FAM184B: variants seen among roughly 807,000 people sequenced by gnomAD.
The protein encoded by FAM184B is family with sequence similarity 184 member B.
FAM184B carries 111 observed loss-of-function variants against 135.9 expected under a neutral mutation model. The ratio of observed to expected loss-of-function variants is 0.82; its 90% CI spans 0.70 to 0.96. The LOEUF (loss-of-function observed/expected upper bound fraction) is 0.96, where lower values mean the gene tolerates loss of function less well. Among genes scored for constraint, FAM184B ranks in the 40% least tolerant of loss-of-function variants. FAM184B has a pLI of 0.00. For synonymous variants in FAM184B, 552 were observed against 524.8 expected, an observed-to-expected ratio of 1.05 and a Z score of -0.71; for missense variants, 1,375 against 1,323.9, an observed-to-expected ratio of 1.04 and a Z score of -0.60.
In FAM184B at chr4:17,708,904, C is replaced by T; in HGVS notation, c.882G>A (p.Lys294=). 1.3e-6 allele frequency: 2 copies of T among 1,515,714 alleles called. No individual in the cohort carries two copies. The highest frequency in any genetic ancestry group is 1.3e-5 in the South Asian group (1 of 77,310). The allele number at this position is 1,515,714 out of a possible 1,614,324, so 93.9% of individuals were successfully genotyped here. ...SDLKKYAQKL[K]ERIQDLDVQL... is the part of the protein sequence containing the mutation. The stretch of plus-strand genomic sequence containing the variant: ...GATGCTGCTTTACCTGAATCCTCTC[C>T]TTCAGCTTCTGGGCGTACTTCTTCA... The change falls in exon 2 of 18, where the codon AAG becomes AAA. Residue 294 remains lysine, a synonymous_variant. Transcript: ENST00000265018.
At chr4:17,766,883 G>T (rs561718229) in intron 1 of FAM184B, among the ~76,000 whole-genome samples, 26 of 152,202 alleles carry the variant, frequency 1.7e-4, no homozygotes, top group African/African-American at 6.3e-4. Context: ...GGGAGGCTCC[G>T]GCCGCACAGG....
At chr4:17,766,738 T>G (rs1261622542) in intron 1 of FAM184B, among the ~76,000 whole-genome samples, 1 of 152,244 alleles carries the variant, frequency 6.6e-6, no homozygotes, top group Non-Finnish European at 1.5e-5. Context: ...GGAGCCCAGC[T>G]GGTTTCACCT....
In FAM184B at chr4:17,775,750, A is replaced by T. The variant is rs541532135; in HGVS notation, c.141+5409T>A. ...TTAAGTTAAATAACTCAGGAAGAGA[A>T]AGTCAAATATCACATGTTCTCACTT... On this transcript the variant is annotated intron_variant, in intron 1 of 17. Transcript: ENST00000265018. Among the ~76,000 whole-genome samples the T allele has an allele frequency of 2.6e-5, 4 of 152,328 alleles. No individual in the cohort carries two copies. In the South Asian group the frequency reaches 8.3e-4, roughly 32 times the overall value.
chr4:17,775,723 T>C (rs1463195762), intron 1 of FAM184B, among the ~76,000 whole-genome samples: 6 of 152,218 alleles, frequency 3.9e-5, no homozygotes, highest in African/African-American at 9.6e-5. Flanking sequence ...GAGGCTATTA[T>C]CTTAAGTTAA....
intron 1 of FAM184B, among the ~76,000 whole-genome samples, chr4:17,748,157 TG>T (rs1221836235): frequency 6.6e-6 from 1 of 151,326 alleles, no homozygotes; most frequent in African/African-American, 2.4e-5. Context: ...AAATGCCATT[TG>T]TTTTTTTCTT....
intron 1 of FAM184B, among the ~76,000 whole-genome samples, chr4:17,780,258 G>T (rs1217118320): frequency 6.6e-6 from 1 of 152,188 alleles, no homozygotes; most frequent in African/African-American, 2.4e-5. Flanking sequence ...TGTTCCAGAC[G>T]CTACAGGACA....
intron 11 of FAM184B, among the ~76,000 whole-genome samples, chr4:17,651,528 ACT>A (rs1339585246): frequency 2.0e-5 from 2 of 98,440 alleles, no homozygotes; most frequent in Non-Finnish European, 3.6e-5. Context: ...ACAGAGCAAG[ACT>A]CTGTCTCAAA....
At chr4:17,741,566 T>C (rs1006859087) in intron 1 of FAM184B, among the ~76,000 whole-genome samples, 9 of 152,084 alleles carry the variant, frequency 5.9e-5, no homozygotes, top group African/African-American at 1.9e-4. Flanking sequence ...TGGTGGCGCA[T>C]GCCTGTAATC....
intron 1 of FAM184B, among the ~76,000 whole-genome samples, chr4:17,771,567 A>G (rs935602269): frequency 3.3e-5 from 5 of 152,200 alleles, no homozygotes; most frequent in African/African-American, 9.7e-5. Context: ...TCTGTCCCCA[A>G]ACAAGCTCCT....
intron 1 of FAM184B, among the ~76,000 whole-genome samples, chr4:17,779,822 A>G (rs1454197189): frequency 2.0e-5 from 3 of 152,190 alleles, no homozygotes; most frequent in African/African-American, 4.8e-5. Flanking sequence ...CTTTCACTCA[A>G]TATTTCAAAT....
intron 1 of FAM184B, among the ~76,000 whole-genome samples, chr4:17,749,419 T>TA (rs151309719): frequency 1.1e-4 from 17 of 151,274 alleles, no homozygotes; most frequent in Non-Finnish European, 2.1e-4. Context: ...TCATCTCTAT[T>TA]AAAAAAAAGA....
At chr4:17,712,407 A>T (rs759745820) in intron 1 of FAM184B, among the ~76,000 whole-genome samples, 14 of 152,142 alleles carry the variant, frequency 9.2e-5, no homozygotes, top group Admixed American at 3.3e-4. Context: ...GTGGAGTCAG[A>T]TGCCAAACAC....
At chr4:17,660,265 G>T (rs1164901146) in intron 8 of FAM184B, among the ~76,000 whole-genome samples, 178 bp from the exon 9 acceptor site, 1 of 152,136 alleles carries the variant, frequency 6.6e-6, no homozygotes, top group Admixed American at 6.6e-5. Context: ...GTGTATTATT[G>T]TACTTAGGAT....
At chr4:17,749,813 A>ATG (rs1233740985) in intron 1 of FAM184B, among the ~76,000 whole-genome samples, 2 of 152,174 alleles carry the variant, frequency 1.3e-5, no homozygotes, top group Non-Finnish European at 2.9e-5. Context: ...TATATATTTT[A>ATG]AGGTATTTAT....
At chr4:17,735,923 G>C (rs183350319) in intron 1 of FAM184B, among the ~76,000 whole-genome samples, 169 of 152,304 alleles carry the variant, frequency 1.1e-3, no homozygotes, top group African/African-American at 3.9e-3. Flanking sequence ...ACTGTTCATA[G>C]TTGGCATAGT....
chr4:17,656,766 C>T (rs1254300731), intron 10 of FAM184B, among the ~76,000 whole-genome samples: 2 of 152,066 alleles, frequency 1.3e-5, no homozygotes, highest in Non-Finnish European at 2.9e-5. Context: ...TATAAAGAGC[C>T]AAATAGTATT....
chr4:17,729,879 C>A (rs1717734301), intron 1 of FAM184B, among the ~76,000 whole-genome samples: 1 of 152,214 alleles, frequency 6.6e-6, no homozygotes, highest in Admixed American at 6.5e-5. Context: ...CAAAGGAATG[C>A]AGCTCCTCAC....
At chr4:17,711,396 T>C (rs1717267642) in intron 1 of FAM184B, among the ~76,000 whole-genome samples, 1 of 152,082 alleles carries the variant, frequency 6.6e-6, no homozygotes, top group Admixed American at 6.5e-5. Context: ...GAGAATCGCT[T>C]GAACCTGGGA....
chr4:17,635,908 A>G (rs1715110572), intron 15 of FAM184B, among the ~76,000 whole-genome samples: 1 of 152,174 alleles, frequency 6.6e-6, no homozygotes, highest in African/African-American at 2.4e-5. Context: ...ATTTTTACAA[A>G]AAGAAGATCA....
Sources: gnomAD v4.1 joint callset for allele counts (sites outside exome capture counted in the v4.1 genomes callset) on GRCh38, gnomAD v4.1.1 for gene constraint, MANE v1.5 for transcripts, NCBI Gene and HGNC (gene_info 2026-07-23, HGNC 2026-07-21) for gene names.